Variants in AGAP1 observed in about 807,000 individuals in gnomAD.
The protein encoded by AGAP1 is ArfGAP with GTPase domain, ankyrin repeat and PH domain 1.
In AGAP1, 29 loss-of-function variants were observed where a neutral mutation model predicts 105.3. That is an observed-to-expected ratio of 0.28 (90% CI 0.21 to 0.38). The LOEUF is 0.38. AGAP1 is among the 10% of genes least tolerant of loss of function. The pLI is 1.00. For synonymous variants in AGAP1, 509 were observed against 485.9 expected, an observed-to-expected ratio of 1.05 and a Z score of -0.63; for missense variants, 998 against 1,165.1, an observed-to-expected ratio of 0.86 and a Z score of 2.09.
chr2:235,861,758 CAGGGGATT>C (rs1195684531), intron 9 of AGAP1, among the ~76,000 whole-genome samples: 12 of 152,186 alleles, frequency 7.9e-5, no homozygotes. Context: ...TCCTGCTTAT[CAGGGGATT>C]GATTCTGGGC....
Position 236,129,914 on chromosome 2 carries a change from G to A in AGAP1, c.*5792G>A, listed in dbSNP as rs1317132865. ...CTAAATCTGAAAACCCATTCTTACT[G>A]TCTTTCACCATGAGATGCTGGTTTT... On this transcript the variant is annotated 3_prime_UTR_variant, in exon 18 of 18. Transcript: ENST00000304032. This position sits in a 1 kb window ranked among gnomAD's most constrained non-coding sequence, Gnocchi z 6.2. 6.6e-6 allele frequency: 1 copy of A among 152,208 alleles called. No individual in the cohort carries two copies. Among genetic ancestry groups the A allele is most frequent in the Non-Finnish European group, 1.5e-5 (1 of 68,052 alleles). The allele number at this position is 152,208 out of a possible 1,614,324, so 9.4% of individuals were successfully genotyped here.
intron 1 of AGAP1, among the ~76,000 whole-genome samples, chr2:235,636,910 T>G (rs1947021450): frequency 6.6e-6 from 1 of 152,092 alleles, no homozygotes; most frequent in Admixed American, 6.5e-5. Context: ...GCGGTAATGC[T>G]TCTACAAGCC....
intron 6 of AGAP1, chr2:235,774,051 G>A (rs1955668714): frequency 6.8e-6 from 3 of 440,598 alleles, no homozygotes; most frequent in Non-Finnish European, 1.4e-5. Flanking sequence ...TGACTACGAT[G>A]AACAAAAGTT....
intron 3 of AGAP1, among the ~76,000 whole-genome samples, chr2:235,722,727 G>A (rs757553296): frequency 1.4e-4 from 22 of 152,240 alleles, no homozygotes; most frequent in Non-Finnish European, 2.6e-4. Context: ...GGGCTTGAAC[G>A]TATCTTCTAG....
rs1295591463 is a variant in AGAP1, at chr2:236,027,630, T to A, written c.1646-8931T>A. 9.9e-5 allele frequency among the ~76,000 whole-genome samples: 15 copies of A among 151,980 alleles called. No individual in the cohort carries two copies. The highest frequency in any genetic ancestry group is 1.0e-4 in the Non-Finnish European group (7 of 68,004). On this transcript the variant is annotated intron_variant, in intron 13 of 17. Transcript: ENST00000304032. The surrounding 1 kb of genome is among the most constrained non-coding windows in gnomAD (Gnocchi z 4.4). ...CTGCCTGGGAGAGGCCAGCCCAGGG[T>A]CAGCAGCGCCATTGCCTCTTGATTT...
At chr2:235,695,341 C>A (rs917339684) in intron 1 of AGAP1, among the ~76,000 whole-genome samples, 50 of 152,182 alleles carry the variant, frequency 3.3e-4, no homozygotes, top group African/African-American at 1.2e-3. Flanking sequence ...TAAAGACTTA[C>A]AACAGGATTG....
intron 12 of AGAP1, among the ~76,000 whole-genome samples, chr2:235,939,702 C>T (rs1216739985): frequency 6.6e-6 from 1 of 152,122 alleles, no homozygotes; most frequent in African/African-American, 2.4e-5. Context: ...TGGTAATCTT[C>T]ATAGTGGGAG....
Position 235,582,776 on chromosome 2 carries a change from T to G in AGAP1, c.163+87927T>G, listed in dbSNP as rs1343631408. On this transcript the variant is annotated intron_variant, in intron 1 of 17. Transcript: ENST00000304032. The surrounding 1 kb of genome is among the most constrained non-coding windows in gnomAD (Gnocchi z 4.7). ...CATTGCTGTTAGCAGGAGTTGGCAC[T>G]TGAGTCCCACGTCCTAGCCTCCCGG... Among the ~76,000 whole-genome samples, 1 of 152,244 alleles carries G rather than the reference T, an allele frequency of 6.6e-6. No individual in the cohort carries two copies. Among genetic ancestry groups the G allele is most frequent in the South Asian group, 2.1e-4 (1 of 4,832 alleles).
chr2:235,859,434 T>C (rs971480528), intron 9 of AGAP1, among the ~76,000 whole-genome samples: 5 of 115,276 alleles, frequency 4.3e-5, no homozygotes, highest in African/African-American at 6.4e-5. Flanking sequence ...CCTTTCAAAA[T>C]GGGAGCATAT....
At chr2:235,641,299 C>CA (rs1947181973) in intron 1 of AGAP1, among the ~76,000 whole-genome samples, 2 of 83,726 alleles carry the variant, frequency 2.4e-5, no homozygotes, top group African/African-American at 9.6e-5. Flanking sequence ...GCGATTCTTT[C>CA]TTTCTCTCTC....
rs1359975964 is a variant in AGAP1 at position 236,123,711 on chromosome 2, A to G, written c.2371-208A>G. Among the ~76,000 whole-genome samples, 1 of 152,202 alleles carries G rather than the reference A, an allele frequency of 6.6e-6. No individual in the cohort carries two copies. The highest frequency in any genetic ancestry group is 2.4e-5 in the African/African-American group (1 of 41,452). ...AAGGAGGGGCTTTCAGTTGAAAAAA[A>G]AAGACATGTTCTTTCCTTAAAAGAA... On this transcript the variant is annotated intron_variant, in intron 17 of 17. Coordinates refer to ENST00000304032, the MANE Select transcript of AGAP1 (RefSeq NM_001037131.3). This position sits in a 1 kb window ranked among gnomAD's most constrained non-coding sequence, Gnocchi z 4.6.
At position 235,725,370 on chromosome 2, in the gene AGAP1, G is replaced by A. The variant is rs1055327936; in HGVS notation, c.310+7726G>A. ...AGTCTTATTTTCTGGGACACATGAA[G>A]TGTGTTTAAGCTGTCAGCTCCAAAA... On this transcript the variant is annotated intron_variant, in intron 3 of 17. Coordinates refer to ENST00000304032, the MANE Select transcript of AGAP1 (RefSeq NM_001037131.3). This position sits in a 1 kb window ranked among gnomAD's most constrained non-coding sequence, Gnocchi z 5.7. Among the ~76,000 whole-genome samples the A allele has an allele frequency of 6.6e-5, 10 of 152,074 alleles. No individual in the cohort carries two copies. Among genetic ancestry groups the A allele is most frequent in the African/African-American group, 2.2e-4 (9 of 41,388 alleles).
In AGAP1 at chr2:235,992,690, C is replaced by T. The variant is rs566665546; in HGVS notation, c.1645+24067C>T. On this transcript the variant is annotated intron_variant, in intron 13 of 17. Coordinates refer to ENST00000304032, the MANE Select transcript of AGAP1 (RefSeq NM_001037131.3). The surrounding 1 kb of genome is among the most constrained non-coding windows in gnomAD (Gnocchi z 4.8). ...GCATTGAACCACATTTTTAAGGTGA[C>T]TCTTCAACTCACCAAGAATATCGTG... is the stretch of plus-strand genomic sequence containing the variant. Among the ~76,000 whole-genome samples, 1 of 152,320 alleles carries T rather than the reference C, an allele frequency of 6.6e-6. No homozygotes were observed. Among genetic ancestry groups the T allele is most frequent in the East Asian group, 1.9e-4 (1 of 5,184 alleles).
intron 1 of AGAP1, among the ~76,000 whole-genome samples, chr2:235,682,898 C>T (rs988140684): frequency 1.3e-5 from 2 of 152,020 alleles, no homozygotes; most frequent in African/African-American, 2.4e-5. Flanking sequence ...GGACTCATCT[C>T]ACCCCCTCCA....
chr2:235,749,379 TAA>T (rs372905216), intron 5 of AGAP1, among the ~76,000 whole-genome samples: 10 of 141,244 alleles, frequency 7.1e-5, no homozygotes, highest in Admixed American at 7.0e-5. Flanking sequence ...CAGCTGAGCT[TAA>T]AAAAAAAAAA....
chr2:235,908,716 G>C lies in AGAP1; in HGVS notation c.1156-22G>C. 1 of 1,556,856 alleles carries C rather than the reference G, an allele frequency of 6.4e-7. No individual in the cohort carries two copies. The highest frequency in any genetic ancestry group is 1.2e-5 in the South Asian group (1 of 84,818). ...TCTTTTTTTTTTTTTTATCTCTCTTGGATGTTTAACATTTTCAACAGGATT... is the reference window on the plus strand; with the variant it reads ...TCTTTTTTTTTTTTTTATCTCTCTTCGATGTTTAACATTTTCAACAGGATT... On this transcript the variant is annotated intron_variant, in intron 10 of 17. Transcript: ENST00000304032. The surrounding 1 kb of genome is among the most constrained non-coding windows in gnomAD (Gnocchi z 4.4).
intron 1 of AGAP1, among the ~76,000 whole-genome samples, chr2:235,638,887 T>C (rs996731939): frequency 1.3e-5 from 2 of 152,074 alleles, no homozygotes; most frequent in African/African-American, 4.8e-5. Flanking sequence ...CATGTCAGGA[T>C]GTTCAGGAGC....
intron 15 of AGAP1, among the ~76,000 whole-genome samples, chr2:236,048,631 A>C (rs1277199803): frequency 5.3e-5 from 8 of 152,256 alleles, no homozygotes; most frequent in Non-Finnish European, 1.0e-4. Context: ...AGGAATGACC[A>C]GAGTCACGGT....
rs945730170 is a variant in AGAP1, at chr2:235,664,218, T to G, written c.164-44961T>G. On this transcript the variant is annotated intron_variant, in intron 1 of 17. Transcript: ENST00000304032. This position sits in a 1 kb window ranked among gnomAD's most constrained non-coding sequence, Gnocchi z 5.7. ...TTTTAATATATAGTTTGTTTTTTTGTTTTTTTTTTCGAGACGGAGTTTCAC... is the reference window on the plus strand; with the variant it reads ...TTTTAATATATAGTTTGTTTTTTTGGTTTTTTTTTCGAGACGGAGTTTCAC... Among the ~76,000 whole-genome samples the G allele has an allele frequency of 8.8e-5, 13 of 147,850 alleles. No individual in the cohort carries two copies. Among genetic ancestry groups the G allele is most frequent in the South Asian group, 8.6e-4 (4 of 4,668 alleles).
Sources: gnomAD v4.1 joint callset for allele counts (sites outside exome capture counted in the v4.1 genomes callset) on GRCh38, gnomAD v4.1.1 for gene constraint, Gnocchi (gnomAD v3.1) non-coding constraint, MANE v1.5 for transcripts, NCBI Gene and HGNC (gene_info 2026-07-23, HGNC 2026-07-21) for gene names.